Variants in ABCC4 observed in about 807,000 individuals in gnomAD.
ABCC4 encodes ATP-binding cassette sub-family C member 4.
In ABCC4, 102 loss-of-function variants were observed where a neutral mutation model predicts 168.5. The ratio of observed to expected loss-of-function variants is 0.61; its 90% CI spans 0.52 to 0.71. The LOEUF is 0.71. ABCC4 is among the 30% of genes least tolerant of loss of function. ABCC4 has a pLI of 0.00. For synonymous variants in ABCC4, 617 were observed against 590.7 expected (o/e 1.04, Z -0.65); for missense variants, 1,402 against 1,605.8 (o/e 0.87, Z 2.17).
At chr13:95,255,546 T>C (rs979282151) in intron 1 of ABCC4, among the ~76,000 whole-genome samples, 17 of 152,154 alleles carry the variant, frequency 1.1e-4, no homozygotes, top group Middle Eastern at 3.2e-3. Context: ...CAACCCAGCT[T>C]ATCTCGGCCC....
intron 30 of ABCC4, among the ~76,000 whole-genome samples, chr13:95,029,490 A>C (rs2031765261): frequency 6.6e-6 from 1 of 151,970 alleles, no homozygotes; most frequent in Non-Finnish European, 1.5e-5. Flanking sequence ...TGGCAGAGGA[A>C]CTGCGTGATG....
At chr13:95,247,117 G>T in intron 2 of ABCC4, 22 bp from the exon 3 acceptor site, 1 of 1,605,380 alleles carries the variant, frequency 6.2e-7, no homozygotes. Flanking sequence ...AAAAAGCTTC[G>T]TAAATAAGAG....
At position 95,053,082 on chromosome 13, in the gene ABCC4, T is replaced by C; in HGVS notation, c.3456+13A>G. ...GGCTAACAGACTAAAGATAATTACA[T>C]TTTATCAATTACCTCTTGTAAGGCA... On this transcript the variant is annotated intron_variant, in intron 27 of 30. Coordinates refer to ENST00000645237, the MANE Select transcript of ABCC4 (RefSeq NM_005845.5). 6.2e-7 allele frequency: 1 copy of C among 1,601,840 alleles called. No individual in the cohort carries two copies. Among genetic ancestry groups the C allele is most frequent in the South Asian group, 1.1e-5 (1 of 90,792 alleles).
At position 95,255,454 on chromosome 13, in the gene ABCC4, C is replaced by T. The variant is rs112742641; in HGVS notation, c.75-7701G>A. 7.1e-3 allele frequency among the ~76,000 whole-genome samples: 1,082 copies of T among 152,218 alleles called. 29 individuals carry two copies. In the East Asian group the frequency reaches 0.088, roughly 12 times the overall value. On this transcript the variant is annotated intron_variant, in intron 1 of 30. Transcript: ENST00000645237. ...ACGATCACCAGACACTAAAGTTCAA[C>T]GATCACCAGACACAGGCATCGCTGG... is the stretch of plus-strand genomic sequence containing the variant.
chr13:95,038,281 T>C (rs2032206848), intron 29 of ABCC4, among the ~76,000 whole-genome samples: 1 of 150,452 alleles, frequency 6.6e-6, no homozygotes, highest in Admixed American at 6.7e-5. Flanking sequence ...ACACATTTAT[T>C]GCACACTTAC....
rs1020705743 is a variant in ABCC4 at position 95,273,876 on chromosome 13, C to T, written c.75-26123G>A. Among the ~76,000 whole-genome samples the T allele has an allele frequency of 2.2e-5, 3 of 137,282 alleles. No homozygotes were observed. In the East Asian group the frequency reaches 6.4e-4, roughly 29 times the overall value. 90.1% of individuals were successfully genotyped at this position (137,282 alleles called of 152,430 possible). A position where few individuals can be genotyped will look rare whatever the true frequency, so the allele number is the denominator to read the frequency against. On this transcript the variant is annotated intron_variant, in intron 1 of 30. Coordinates refer to ENST00000645237, the MANE Select transcript of ABCC4 (RefSeq NM_005845.5). The stretch of plus-strand genomic sequence containing the variant: ...TGTTGCCCAGGCTGGAATGCAGTGG[C>T]GCGATCTAGGCTCACTGCAGGCTCC...
intron 17 of ABCC4, 133 bp downstream of exon 17, chr13:95,163,477 T>A (rs1383152200): frequency 1.1e-6 from 1 of 870,704 alleles, no homozygotes; most frequent in Non-Finnish European, 1.8e-6. Flanking sequence ...GCAAGCACTC[T>A]AATTTTTCTT....
intron 19 of ABCC4, among the ~76,000 whole-genome samples, chr13:95,126,726 T>TATATATATATATATATATATTCCAAA (rs1566443566): frequency 1.8e-5 from 1 of 54,428 alleles, no homozygotes; most frequent in Non-Finnish European, 4.1e-5. Context: ...TTGGAATATA[T>TATATATATATATATATATATTCCAAA]ATATATATAT....
intron 20 of ABCC4, among the ~76,000 whole-genome samples, chr13:95,084,235 A>T (rs895782643): frequency 6.6e-6 from 1 of 152,292 alleles, no homozygotes; most frequent in Admixed American, 6.5e-5. Context: ...CATTTTACAG[A>T]TGGAGACACT....
intron 2 of ABCC4, among the ~76,000 whole-genome samples, 153 bp downstream of exon 2, chr13:95,247,490 G>A (rs2040136439): frequency 6.6e-6 from 1 of 152,114 alleles, no homozygotes; most frequent in Non-Finnish European, 1.5e-5. Flanking sequence ...GGCCACCATG[G>A]TAGGCTGAGC....
At chr13:95,285,771 T>C (rs897968728) in intron 1 of ABCC4, among the ~76,000 whole-genome samples, 3 of 152,040 alleles carry the variant, frequency 2.0e-5, no homozygotes, top group Non-Finnish European at 4.4e-5. Context: ...TCTGAGAATG[T>C]AGGAAAGCTA....
chr13:95,300,956 C>T (rs1278225784), intron 1 of ABCC4, among the ~76,000 whole-genome samples: 1 of 152,236 alleles, frequency 6.6e-6, no homozygotes, highest in East Asian at 1.9e-4. Context: ...TGCTCCTCCT[C>T]CCCCGAGCCC....
intron 4 of ABCC4, among the ~76,000 whole-genome samples, chr13:95,227,737 C>T (rs1438994688): frequency 6.6e-6 from 1 of 152,182 alleles, no homozygotes; most frequent in Non-Finnish European, 1.5e-5. Context: ...AAAGAAGAGT[C>T]TTGTTCTGTC....
intron 7 of ABCC4, among the ~76,000 whole-genome samples, chr13:95,207,031 AAAAAAT>A (rs1450056160): frequency 6.6e-6 from 1 of 152,186 alleles, no homozygotes; most frequent in Admixed American, 6.5e-5. Context: ...AAAGCCAAAA[AAAAAAT>A]ACATATTTTG....
intron 1 of ABCC4, among the ~76,000 whole-genome samples, chr13:95,278,938 T>A: frequency 2.8e-5 from 4 of 141,834 alleles, no homozygotes; most frequent in South Asian, 2.3e-4. Flanking sequence ...GAGACCGGAG[T>A]GGGAGAGAAA....
chr13:95,077,130 A>C (rs756938833), intron 21 of ABCC4, among the ~76,000 whole-genome samples: 16 of 152,180 alleles, frequency 1.1e-4, no homozygotes, highest in Admixed American at 2.0e-4. Flanking sequence ...AATTCCTGAG[A>C]GTTTCAATTG....
intron 9 of ABCC4, among the ~76,000 whole-genome samples, chr13:95,192,013 A>G (rs2038268783): frequency 6.6e-6 from 1 of 152,244 alleles, no homozygotes; most frequent in Non-Finnish European, 1.5e-5. Flanking sequence ...ACACTAAGGC[A>G]GGCAGACTGA....
intron 8 of ABCC4, among the ~76,000 whole-genome samples, chr13:95,195,488 G>T (rs2038387284): frequency 6.6e-6 from 1 of 152,216 alleles, no homozygotes; most frequent in Middle Eastern, 3.4e-3. Context: ...AGATTCAACT[G>T]GCCTTCTCCT....
rs146951531 is a variant in ABCC4, at chr13:95,256,825, C to T, written c.75-9072G>A. 5.7e-3 allele frequency among the ~76,000 whole-genome samples: 867 copies of T among 152,024 alleles called. 11 individuals carry two copies. The highest frequency in any genetic ancestry group is 0.019 in the African/African-American group (791 of 41,486). ...TTAATTAGTGCCTGTTCAAATCAAG[C>T]GCTTTCTTCCAAACGATTAAACTTC... On this transcript the variant is annotated intron_variant, in intron 1 of 30. Transcript: ENST00000645237.
Sources: gnomAD v4.1 joint callset for allele counts (sites outside exome capture counted in the v4.1 genomes callset) on GRCh38, gnomAD v4.1.1 for gene constraint, MANE v1.5 for transcripts, NCBI Gene and HGNC (gene_info 2026-07-23, HGNC 2026-07-21) for gene names.